GALNT13: variants seen among roughly 807,000 people sequenced by gnomAD.
GALNT13 encodes UDP-GalNAc:polypeptide N-acetylgalactosaminyltransferase 13.
A neutral mutation model predicts 64.2 loss-of-function variants in GALNT13; 28 were observed. The observed-to-expected ratio is 0.44, with a 90% confidence interval of 0.32 to 0.60. The LOEUF (loss-of-function observed/expected upper bound fraction) is 0.60. Among genes scored for constraint, GALNT13 ranks in the 20% least tolerant of loss-of-function variants. GALNT13 has a pLI of 0.05. For missense variants in GALNT13, 577 were observed against 669.8 expected (o/e 0.86, Z 1.53); for synonymous variants, 214 against 224.6 (o/e 0.95, Z 0.42).
chr2:153,850,005 C>CAAAAAAAAA, the GALNT13 span, among the ~76,000 whole-genome samples: 116 of 84,608 alleles, frequency 1.4e-3, no homozygotes, highest in East Asian at 6.1e-3. Context: ...ACTAAAAATA[C>CAAAAAAAAA]AAAAAAAAAA....
intron 9 of GALNT13, among the ~76,000 whole-genome samples, chr2:154,393,816 C>A (rs1020937118): frequency 6.6e-6 from 1 of 151,972 alleles, no homozygotes; most frequent in Non-Finnish European, 1.5e-5. Flanking sequence ...CGGTGGCTCA[C>A]GCCTGTAATC....
intron 4 of GALNT13, among the ~76,000 whole-genome samples, chr2:154,171,529 A>G (rs1685348132): frequency 6.6e-6 from 1 of 152,116 alleles, no homozygotes; most frequent in South Asian, 2.1e-4. Context: ...CCAAGAGGTT[A>G]CTTGACTTGC....
intron 9 of GALNT13, among the ~76,000 whole-genome samples, chr2:154,354,807 C>T (rs943844279): frequency 1.3e-5 from 2 of 151,974 alleles, no homozygotes; most frequent in Non-Finnish European, 2.9e-5. Context: ...CATCATACTT[C>T]GTGATTTTAA....
chr2:153,550,563 A>C, the GALNT13 span, among the ~76,000 whole-genome samples: 1 of 152,154 alleles, frequency 6.6e-6, no homozygotes, highest in Admixed American at 6.5e-5. Context: ...CACAGTCTGC[A>C]GAGCACTGTT....
the GALNT13 span, among the ~76,000 whole-genome samples, chr2:153,528,123 A>G: frequency 1.9e-4 from 29 of 151,990 alleles, 1 homozygote; most frequent in East Asian, 2.5e-3. Flanking sequence ...CAATCAAAAG[A>G]TATAGAATGG....
chr2:153,548,921 AAC>A, the GALNT13 span, among the ~76,000 whole-genome samples: 167 of 152,240 alleles, frequency 1.1e-3, 1 homozygote, highest in Non-Finnish European at 2.0e-3. Context: ...CATACAGTGA[AAC>A]ATTATTCACA....
At chr2:153,622,678 AT>A in the GALNT13 span, among the ~76,000 whole-genome samples, 1 of 152,156 alleles carries the variant, frequency 6.6e-6, no homozygotes, top group Non-Finnish European at 1.5e-5. Flanking sequence ...CCCAGATAAT[AT>A]TTACTGAATT....
At chr2:153,689,072 G>C in the GALNT13 span, among the ~76,000 whole-genome samples, 1 of 94,154 alleles carries the variant, frequency 1.1e-5, no homozygotes, top group African/African-American at 3.1e-5. Flanking sequence ...GCGTGTGTAT[G>C]TGTGTGTGTG....
the GALNT13 span, among the ~76,000 whole-genome samples, chr2:153,482,643 A>G: frequency 3.3e-5 from 5 of 151,974 alleles, no homozygotes; most frequent in Admixed American, 2.0e-4. Context: ...CTAATTTTTT[A>G]TATTTTTGGT....
At chr2:153,182,534 A>C in the GALNT13 span, among the ~76,000 whole-genome samples, 1 of 152,186 alleles carries the variant, frequency 6.6e-6, no homozygotes. Context: ...TTTGCTGCAC[A>C]GATTATCCCA....
chr2:153,953,000 C>T (rs915904137), intron 3 of GALNT13, among the ~76,000 whole-genome samples: 7 of 152,232 alleles, frequency 4.6e-5, no homozygotes, highest in Non-Finnish European at 7.4e-5. Context: ...ATGCTGGCAG[C>T]GGATTAGATG....
At chr2:153,894,235 G>A (rs184034253) in intron 1 of GALNT13, among the ~76,000 whole-genome samples, 115 of 152,114 alleles carry the variant, frequency 7.6e-4, no homozygotes, top group Non-Finnish European at 1.6e-3. Flanking sequence ...TGAATCTCTC[G>A]AGACCCCACT....
intron 9 of GALNT13, among the ~76,000 whole-genome samples, chr2:154,338,122 A>C (rs1695556459): frequency 6.6e-6 from 1 of 152,096 alleles, no homozygotes; most frequent in African/African-American, 2.4e-5. Context: ...AGTATGATAA[A>C]AATAATCCAA....
chr2:153,270,879 T>C, the GALNT13 span, among the ~76,000 whole-genome samples: 2 of 151,928 alleles, frequency 1.3e-5, no homozygotes, highest in South Asian at 4.1e-4. Flanking sequence ...TAACATACAT[T>C]GTGATTGTTA....
At chr2:154,411,765 C>A (rs1227372040) in intron 11 of GALNT13, among the ~76,000 whole-genome samples, 1 of 151,680 alleles carries the variant, frequency 6.6e-6, no homozygotes, top group Non-Finnish European at 1.5e-5. Context: ...GTATTTCCTT[C>A]ATAATTAAAT....
At chr2:154,039,706 G>A (rs1574392567) in intron 3 of GALNT13, among the ~76,000 whole-genome samples, 1 of 139,166 alleles carries the variant, frequency 7.2e-6, no homozygotes, top group Admixed American at 7.2e-5. Flanking sequence ...CTGTAGCACT[G>A]TAGGGTGAAT....
chr2:154,024,959 T>A (rs911031121), intron 3 of GALNT13, among the ~76,000 whole-genome samples: 1 of 152,182 alleles, frequency 6.6e-6, no homozygotes, highest in Admixed American at 6.5e-5. Flanking sequence ...AGAGGTCCAC[T>A]CCAGACCCTG....
chr2:153,418,838 A>T, the GALNT13 span, among the ~76,000 whole-genome samples: 1 of 152,158 alleles, frequency 6.6e-6, no homozygotes, highest in Non-Finnish European at 1.5e-5. Context: ...AGCCTGGGCG[A>T]TAGAGCCAGA....
intron 11 of GALNT13, among the ~76,000 whole-genome samples, chr2:154,412,785 AT>A (rs1699850281): frequency 6.6e-6 from 1 of 151,848 alleles, no homozygotes; most frequent in African/African-American, 2.4e-5. Context: ...TTATTATTCA[AT>A]TCAACATGAC....
Sources: allele counts gnomAD v4.1 joint callset (sites outside exome capture counted in the v4.1 genomes callset), GRCh38; gene constraint gnomAD v4.1.1; transcripts MANE v1.5; gene names NCBI Gene and HGNC (gene_info 2026-07-23, HGNC 2026-07-21).